Variants in SCRN1 observed in about 807,000 individuals in gnomAD.
SCRN1 encodes secernin-1.
SCRN1 carries 19 observed loss-of-function variants against 43.3 expected under a neutral mutation model. That is an observed-to-expected ratio of 0.44 (90% CI 0.31 to 0.64). The LOEUF is 0.64. Among genes scored for constraint, SCRN1 ranks in the 30% least tolerant of loss-of-function variants. The pLI is 0.09. For missense variants in SCRN1, 447 were observed against 524.1 expected, an observed-to-expected ratio of 0.85 and a Z score of 1.44; for synonymous variants, 183 against 188.9, an observed-to-expected ratio of 0.97 and a Z score of 0.26.
intron 3 of SCRN1, among the ~76,000 whole-genome samples, chr7:29,951,312 G>T (rs78377265): frequency 0.017 from 2,593 of 152,326 alleles, 37 homozygotes; most frequent in Non-Finnish European, 0.028. Context: ...CCCCATGCTT[G>T]CTCACACACC....
Position 29,981,799 on chromosome 7 carries a change from C to CA in SCRN1, c.-2+7842dup, listed in dbSNP as rs570646148. Among the ~76,000 whole-genome samples, 180 of 152,242 alleles carry CA rather than the reference C, an allele frequency of 1.2e-3. 1 individual carries two copies. The highest frequency in any genetic ancestry group is 4.2e-3 in the African/African-American group (174 of 41,534). ...TGGACATAAAGAACCTCACCTATCA[C>CA]AAAAAAATTCATGAATGAGAGTATG... On this transcript the variant is annotated intron_variant, in intron 1 of 7. Coordinates refer to ENST00000242059, the MANE Select transcript of SCRN1 (RefSeq NM_014766.5).
chr7:29,969,188 C>A, intron 1 of SCRN1, 120 bp from the exon 2 acceptor site: 1 of 1,208,450 alleles, frequency 8.3e-7, no homozygotes. Flanking sequence ...GCACAGCTAG[C>A]TCATTAAGAG....
intron 6 of SCRN1, among the ~76,000 whole-genome samples, chr7:29,934,925 T>C (rs1787275999): frequency 6.6e-6 from 1 of 152,238 alleles, no homozygotes; most frequent in South Asian, 2.1e-4. Context: ...CCCGTGGTCA[T>C]GTGGTTTCAT....
chr7:29,974,681 C>CTTT (rs754103658), intron 1 of SCRN1, among the ~76,000 whole-genome samples: 13 of 142,214 alleles, frequency 9.1e-5, no homozygotes, highest in African/African-American at 1.8e-4. Context: ...TTCTTTCTTT[C>CTTT]TTTCTTTTTT....
intron 6 of SCRN1, among the ~76,000 whole-genome samples, chr7:29,934,908 G>C (rs1448363614): frequency 1.3e-5 from 2 of 152,214 alleles, no homozygotes; most frequent in African/African-American, 4.8e-5. Flanking sequence ...AGGATGCACG[G>C]CTCTAGCCCG....
chr7:29,938,186 G>A (rs1206974830), intron 5 of SCRN1, among the ~76,000 whole-genome samples: 10 of 151,988 alleles, frequency 6.6e-5, no homozygotes, highest in African/African-American at 2.2e-4. Context: ...GCACCACCAC[G>A]CCCAGTTAAT....
At chr7:29,961,819 C>G (rs977335243) in intron 2 of SCRN1, among the ~76,000 whole-genome samples, 1 of 152,106 alleles carries the variant, frequency 6.6e-6, no homozygotes. Flanking sequence ...GCTGGCCGGG[C>G]GGGGGGCTGA....
intron 1 of SCRN1, 160 bp from the exon 2 acceptor site, chr7:29,969,228 C>A: frequency 2.7e-6 from 2 of 728,674 alleles, no homozygotes; most frequent in Non-Finnish European, 4.3e-6. Context: ...GGTGGGACGC[C>A]TGCAGTGGAA....
At chr7:29,969,593 A>T (rs1042421346) in intron 1 of SCRN1, among the ~76,000 whole-genome samples, 1 of 152,190 alleles carries the variant, frequency 6.6e-6, no homozygotes, top group Admixed American at 6.5e-5. Flanking sequence ...CCTCGATGAC[A>T]TAACACTCAA....
Position 29,924,006 on chromosome 7 carries a change from C to G in SCRN1, c.1196G>C (p.Gly399Ala), listed in dbSNP as rs758651415. Residue 399 changes from glycine to alanine, a missense_variant, in exon 8 of 8, where the codon GGG (glycine) becomes GCG (alanine). Transcript: ENST00000242059. The part of the protein sequence containing the change: ...SSEPLDPAEV[G>A]DLFYDCVDTE... ...GTCAACACAGTCATAGAAAAGGTCC[C>G]CCACTTCCGCAGGGTCCAGTGGCTC... 3.4e-5 allele frequency: 55 copies of G among 1,613,954 alleles called. No homozygotes were observed. Among genetic ancestry groups the G allele is most frequent in the Non-Finnish European group, 4.6e-5 (54 of 1,180,002 alleles).
At position 29,920,166 on chromosome 7, in the gene SCRN1, A is replaced by G. The variant is rs1226804849; in HGVS notation, c.*3791T>C. Reference sequence around the variant, plus strand: ...GCATTTAGAGACAATTCCAAGGGCAAGCACTGGATAGGGATATTATCTGCT... The same window carrying G: ...GCATTTAGAGACAATTCCAAGGGCAGGCACTGGATAGGGATATTATCTGCT... On this transcript the variant is annotated 3_prime_UTR_variant, in exon 8 of 8. Coordinates refer to ENST00000242059, the MANE Select transcript of SCRN1 (RefSeq NM_014766.5). 4 of 152,638 alleles carry G rather than the reference A, an allele frequency of 2.6e-5. No homozygotes were observed. The highest frequency in any genetic ancestry group is 9.6e-5 in the African/African-American group (4 of 41,462). 9.5% of individuals were successfully genotyped at this position (152,638 alleles called of 1,614,324 possible).
intron 6 of SCRN1, among the ~76,000 whole-genome samples, 163 bp from the exon 7 acceptor site, chr7:29,926,795 G>A (rs1786977359): frequency 6.6e-6 from 1 of 152,102 alleles, no homozygotes; most frequent in African/African-American, 2.4e-5. Flanking sequence ...ATAACTGCAT[G>A]TTTTAGTCGC....
At chr7:29,981,230 A>G (rs1160316886) in intron 1 of SCRN1, among the ~76,000 whole-genome samples, 1 of 152,188 alleles carries the variant, frequency 6.6e-6, no homozygotes, top group Non-Finnish European at 1.5e-5. Context: ...AGAGGTGAAA[A>G]AGATACTCAG....
At chr7:29,928,856 A>G (rs1562801113) in intron 6 of SCRN1, among the ~76,000 whole-genome samples, 1 of 152,248 alleles carries the variant, frequency 6.6e-6, no homozygotes, top group Non-Finnish European at 1.5e-5. Flanking sequence ...TGCAAAACCT[A>G]AAACTGTTTA....
At chr7:29,990,243 T>G, upstream of SCRN1, 2 of 1,551,626 alleles carry the variant, frequency 1.3e-6, no homozygotes, top group Non-Finnish European at 8.7e-7. Flanking sequence ...TGTACCATGT[T>G]GGTAAGCCAG....
rs1236083084 is a variant in SCRN1, at chr7:29,926,510, C to T, written c.1028G>A (p.Arg343His). The change falls in exon 7 of 8, where the codon CGC becomes CAC. Residue 343 changes from arginine (R) to histidine (H), a missense_variant. Coordinates refer to ENST00000242059, the MANE Select transcript of SCRN1 (RefSeq NM_014766.5). Reference protein sequence around the residue: ...KEPRFQEKPDRRHELYKAHEW... With the variant: ...KEPRFQEKPDHRHELYKAHEW... Reference sequence around the variant, plus strand: ...GTGGGCTTTGTACAGCTCATGCCGGCGGTCTGGTTTCTCCTGGAACCGAGG... The same window carrying T: ...GTGGGCTTTGTACAGCTCATGCCGGTGGTCTGGTTTCTCCTGGAACCGAGG... 1.1e-5 allele frequency: 18 copies of T among 1,613,964 alleles called. No individual in the cohort carries two copies. Among genetic ancestry groups the T allele is most frequent in the Admixed American group, 1.7e-5 (1 of 60,008 alleles).
chr7:29,989,934 G>T, upstream of SCRN1: 1 of 1,220,178 alleles, frequency 8.2e-7, no homozygotes, highest in Non-Finnish European at 1.0e-6. Context: ...GGGCCGCGGC[G>T]CTGCTCACCG....
intron 2 of SCRN1, among the ~76,000 whole-genome samples, chr7:29,967,180 C>G (rs931178561): frequency 6.6e-6 from 1 of 151,384 alleles, no homozygotes; most frequent in African/African-American, 2.4e-5. Flanking sequence ...TCTAAACACA[C>G]ACACACACAC....
intron 5 of SCRN1, among the ~76,000 whole-genome samples, chr7:29,937,237 T>G (rs1326749831): frequency 6.6e-6 from 1 of 152,210 alleles, no homozygotes; most frequent in East Asian, 1.9e-4. Context: ...GTGATAAATG[T>G]TGATCAACAG....
Sources: allele counts gnomAD v4.1 joint callset (sites outside exome capture counted in the v4.1 genomes callset), GRCh38; gene constraint gnomAD v4.1.1; transcripts MANE v1.5; gene names NCBI Gene and HGNC (gene_info 2026-07-23, HGNC 2026-07-21).